Variants in PEPD observed in about 807,000 individuals in gnomAD.
PEPD encodes peptidase D.
Under a neutral mutation model 60.7 loss-of-function variants are expected in PEPD, and 53 were observed. That is an observed-to-expected ratio of 0.87 (90% confidence interval 0.70 to 1.10). PEPD has a LOEUF of 1.10. PEPD is among the 50% of genes least tolerant of loss of function. The pLI is 0.00. For missense variants in PEPD, 711 were observed against 711.9 expected, an observed-to-expected ratio of 1.00 and a Z score of 0.01; for synonymous variants, 267 against 284.1, an observed-to-expected ratio of 0.94 and a Z score of 0.60.
At chr19:33,418,985 G>A (rs904562512) in intron 9 of PEPD, among the ~76,000 whole-genome samples, 3 of 152,220 alleles carry the variant, frequency 2.0e-5, no homozygotes, top group Admixed American at 6.5e-5. Context: ...GACACAGGCC[G>A]TCTGCAGCAG....
chr19:33,407,792 C>A (rs180976970), intron 11 of PEPD, among the ~76,000 whole-genome samples: 193 of 152,330 alleles, frequency 1.3e-3, no homozygotes, highest in Non-Finnish European at 2.3e-3. Context: ...GGAGGCTTGA[C>A]GGCTACAGGC....
At chr19:33,394,567 G>A (rs1459789027) in intron 12 of PEPD, among the ~76,000 whole-genome samples, 1 of 152,244 alleles carries the variant, frequency 6.6e-6, no homozygotes, top group Non-Finnish European at 1.5e-5. Context: ...CCCGGATGGT[G>A]GTTACGACAC....
At chr19:33,447,110 C>T (rs1600122699) in intron 9 of PEPD, among the ~76,000 whole-genome samples, 1 of 152,208 alleles carries the variant, frequency 6.6e-6, no homozygotes, top group East Asian at 1.9e-4. Flanking sequence ...CACCGTGCTG[C>T]TTCTGAAGGT....
At chr19:33,496,429 T>C (rs1970604282) in intron 4 of PEPD, among the ~76,000 whole-genome samples, 2 of 152,108 alleles carry the variant, frequency 1.3e-5, no homozygotes, top group Non-Finnish European at 2.9e-5. Flanking sequence ...CACAACTGCT[T>C]GAGTGGGCCC....
At chr19:33,486,726 C>T (rs1354462538) in intron 6 of PEPD, among the ~76,000 whole-genome samples, 1 of 152,196 alleles carries the variant, frequency 6.6e-6, no homozygotes, top group East Asian at 1.9e-4. Context: ...AGGCCAGGCA[C>T]CCCGAGTAGC....
At chr19:33,500,887 G>T in intron 4 of PEPD, 51 bp downstream of exon 4, 1 of 1,021,614 alleles carries the variant, frequency 9.8e-7, no homozygotes. Context: ...TCCAGGAGTG[G>T]AAGGCATGCT....
chr19:33,448,951 C>G (rs1969645687), intron 9 of PEPD, among the ~76,000 whole-genome samples: 2 of 152,248 alleles, frequency 1.3e-5, no homozygotes, highest in African/African-American at 4.8e-5. Context: ...TATATAAACT[C>G]TGGCCTTTCT....
intron 9 of PEPD, among the ~76,000 whole-genome samples, chr19:33,454,456 G>T (rs1392812819): frequency 6.6e-6 from 1 of 151,984 alleles, no homozygotes; most frequent in Non-Finnish European, 1.5e-5. Context: ...ACAAAAATTA[G>T]CTGGGCATGG....
chr19:33,445,572 G>GA (rs1555761245), intron 9 of PEPD, among the ~76,000 whole-genome samples: 5 of 152,238 alleles, frequency 3.3e-5, no homozygotes, highest in African/African-American at 1.2e-4. Context: ...AAGCCCAGGA[G>GA]AGAGGCCTCA....
intron 3 of PEPD, among the ~76,000 whole-genome samples, chr19:33,501,300 C>T (rs1031374952): frequency 3.9e-5 from 6 of 152,184 alleles, no homozygotes; most frequent in African/African-American, 9.7e-5. Flanking sequence ...ATCCCCTCCA[C>T]TGCCAGAGAC....
intron 2 of PEPD, chr19:33,511,409 T>A (rs1405516016): frequency 4.3e-6 from 2 of 470,466 alleles, no homozygotes; most frequent in East Asian, 8.6e-5. Context: ...TGTGCCTGAG[T>A]CCACCTGTAT....
chr19:33,405,458 A>G (rs1435669117), intron 11 of PEPD, among the ~76,000 whole-genome samples: 3 of 152,152 alleles, frequency 2.0e-5, no homozygotes, highest in Non-Finnish European at 4.4e-5. Context: ...AGCACTGCAG[A>G]CTCCGATGTG....
At chr19:33,390,329 G>A (rs577961126) in intron 13 of PEPD, among the ~76,000 whole-genome samples, 1 of 152,280 alleles carries the variant, frequency 6.6e-6, no homozygotes, top group Non-Finnish European at 1.5e-5. Context: ...GCACACAATG[G>A]GATGAATAGA....
chr19:33,401,647 T>C, intron 12 of PEPD, 74 bp downstream of exon 12: 2 of 1,392,918 alleles, frequency 1.4e-6, no homozygotes, highest in Middle Eastern at 2.3e-4. Flanking sequence ...ACCCGTTCCC[T>C]GCAGGCACCT....
intron 9 of PEPD, among the ~76,000 whole-genome samples, chr19:33,416,972 G>A (rs140549619): frequency 3.9e-5 from 6 of 152,194 alleles, no homozygotes; most frequent in Admixed American, 2.0e-4. Context: ...AGACGGCGTC[G>A]CTGGGCCTCC....
chr19:33,510,172 TAAAC>T (rs1970893782), intron 3 of PEPD, among the ~76,000 whole-genome samples: 1 of 152,226 alleles, frequency 6.6e-6, no homozygotes, highest in Non-Finnish European at 1.5e-5. Flanking sequence ...ACTGCACTTC[TAAAC>T]AAACAAGGCC....
chr19:33,471,222 T>C (rs17756137), intron 7 of PEPD, among the ~76,000 whole-genome samples: 6,093 of 152,260 alleles, frequency 0.04, 308 homozygotes, highest in Admixed American at 0.16. Context: ...ATTGAATCTA[T>C]GCTTAAATAG....
At chr19:33,391,541 G>A in intron 12 of PEPD, 62 bp from the exon 13 acceptor site, 1 of 1,445,456 alleles carries the variant, frequency 6.9e-7, no homozygotes, top group Non-Finnish European at 9.5e-7. Flanking sequence ...GCAGGGCCAG[G>A]GGCTGGGAGA....
chr19:33,519,489 T>C (rs910056814), intron 1 of PEPD, among the ~76,000 whole-genome samples: 1 of 152,246 alleles, frequency 6.6e-6, no homozygotes, highest in African/African-American at 2.4e-5. Context: ...TGCCTCGTTA[T>C]GCCTGACTCT....
Sources: allele counts gnomAD v4.1 joint callset (sites outside exome capture counted in the v4.1 genomes callset), GRCh38; gene constraint gnomAD v4.1.1; transcripts MANE v1.5; gene names NCBI Gene and HGNC (gene_info 2026-07-23, HGNC 2026-07-21).